Variants in PDE10A observed in about 807,000 individuals in gnomAD.
PDE10A encodes cAMP and cAMP-inhibited cGMP 3',5'-cyclic phosphodiesterase 10A.
PDE10A carries 39 observed loss-of-function variants against 97.7 expected under a neutral mutation model. The ratio of observed to expected loss-of-function variants is 0.40; its 90% CI spans 0.31 to 0.52. The LOEUF is 0.52. PDE10A is among the 20% of genes least tolerant of loss of function. The probability of loss-of-function intolerance (pLI) is 0.56; values close to 1 mark genes in which losing one functional copy is unlikely to be tolerated. For missense variants in PDE10A, 731 were observed against 1,047.8 expected, an observed-to-expected ratio of 0.70 and a Z score of 4.17; for synonymous variants, 371 against 376.8, an observed-to-expected ratio of 0.98 and a Z score of 0.18.
intron 1 of PDE10A, among the ~76,000 whole-genome samples, chr6:165,749,245 TC>T (rs1792920008): frequency 1.4e-5 from 1 of 71,338 alleles, no homozygotes; most frequent in African/African-American, 5.1e-5. Flanking sequence ...CACCATCACA[TC>T]ACCATCATCA....
intron 3 of PDE10A, among the ~76,000 whole-genome samples, chr6:165,453,448 G>C (rs1171415852): frequency 6.6e-6 from 1 of 152,226 alleles, no homozygotes; most frequent in African/African-American, 2.4e-5. Flanking sequence ...CTGCTTCAGA[G>C]ATCTTGGAGG....
intron 18 of PDE10A, among the ~76,000 whole-genome samples, chr6:165,367,670 AAAGAC>A (rs1331748818): frequency 1.3e-5 from 2 of 152,050 alleles, no homozygotes; most frequent in East Asian, 3.9e-4. Flanking sequence ...GGAAAAAAAA[AAAGAC>A]AGAGGCCAGA....
intron 1 of PDE10A, among the ~76,000 whole-genome samples, chr6:165,754,007 C>T (rs888684711): frequency 6.6e-6 from 1 of 152,126 alleles, no homozygotes; most frequent in East Asian, 1.9e-4. Context: ...CATGAAACAC[C>T]ATGAAAAGCC....
At chr6:165,464,750 C>A (rs549206988) in intron 3 of PDE10A, among the ~76,000 whole-genome samples, 1 of 152,186 alleles carries the variant, frequency 6.6e-6, no homozygotes, top group African/African-American at 2.4e-5. Context: ...TAAATGGAAT[C>A]ATACAATATG....
At chr6:165,477,465 T>C (rs1779360103) in intron 3 of PDE10A, among the ~76,000 whole-genome samples, 1 of 152,176 alleles carries the variant, frequency 6.6e-6, no homozygotes, top group African/African-American at 2.4e-5. Flanking sequence ...GGGATTTCTG[T>C]CTAGTTTGTC....
intron 1 of PDE10A, among the ~76,000 whole-genome samples, chr6:165,588,540 C>T (rs1786061172): frequency 6.6e-6 from 1 of 152,052 alleles, no homozygotes; most frequent in South Asian, 2.1e-4. Flanking sequence ...ATCTGCCTGC[C>T]TTGGCCTAAC....
chr6:165,450,411 A>G (rs1441437736), intron 3 of PDE10A, 49 bp from the exon 4 acceptor site: 3 of 1,156,222 alleles, frequency 2.6e-6, no homozygotes, highest in Non-Finnish European at 3.7e-6. Context: ...AATAAAATAT[A>G]ACAAAAATTC....
chr6:165,673,999 C>T (rs762005974), intron 1 of PDE10A, among the ~76,000 whole-genome samples: 10 of 152,102 alleles, frequency 6.6e-5, no homozygotes, highest in Admixed American at 1.3e-4. Context: ...AAAGTGTTTC[C>T]GTGTCCATAG....
intron 1 of PDE10A, among the ~76,000 whole-genome samples, chr6:165,813,648 C>T (rs1376157191): frequency 2.0e-5 from 3 of 152,136 alleles, no homozygotes; most frequent in Non-Finnish European, 4.4e-5. Context: ...GTTCATAGCA[C>T]AATAAACACA....
At chr6:165,918,087 GAT>G (rs2128487746) in intron 1 of PDE10A, among the ~76,000 whole-genome samples, 1 of 152,314 alleles carries the variant, frequency 6.6e-6, no homozygotes, top group Admixed American at 6.5e-5. Flanking sequence ...GAGTAAATTT[GAT>G]ATCTCATTTA....
intron 1 of PDE10A, among the ~76,000 whole-genome samples, chr6:165,706,157 G>A (rs1334159880): frequency 2.0e-5 from 3 of 152,172 alleles, no homozygotes; most frequent in South Asian, 2.1e-4. Flanking sequence ...TTTGCAGTGC[G>A]GGAAAAAGAT....
intron 1 of PDE10A, among the ~76,000 whole-genome samples, chr6:165,812,462 T>C (rs1341988315): frequency 6.6e-6 from 1 of 152,050 alleles, no homozygotes; most frequent in Non-Finnish European, 1.5e-5. Flanking sequence ...TCATTAAGTA[T>C]CTTAAAAGTC....
chr6:165,339,515 C>A (rs1781850486), intron 19 of PDE10A, among the ~76,000 whole-genome samples, 157 bp from the exon 20 acceptor site: 1 of 152,158 alleles, frequency 6.6e-6, no homozygotes, highest in African/African-American at 2.4e-5. Flanking sequence ...TAAAGAAAAA[C>A]TTAATGTATC....
At chr6:165,670,666 C>T (rs1205425171) in intron 1 of PDE10A, among the ~76,000 whole-genome samples, 2 of 152,088 alleles carry the variant, frequency 1.3e-5, no homozygotes, top group Non-Finnish European at 2.9e-5. Flanking sequence ...TGAATACTTC[C>T]TATAAATGCC....
intron 1 of PDE10A, among the ~76,000 whole-genome samples, chr6:165,855,767 T>C (rs1404156167): frequency 6.6e-6 from 1 of 151,950 alleles, no homozygotes; most frequent in African/African-American, 2.4e-5. Flanking sequence ...GCCTTTGCAA[T>C]TTGAAAACAT....
chr6:165,934,451 C>T (rs554728731), intron 1 of PDE10A, among the ~76,000 whole-genome samples: 1 of 152,194 alleles, frequency 6.6e-6, no homozygotes, highest in South Asian at 2.1e-4. Context: ...GTCTACACCA[C>T]CACCACCAAT....
intron 1 of PDE10A, among the ~76,000 whole-genome samples, chr6:165,959,049 A>G (rs1784281214): frequency 6.6e-6 from 1 of 152,230 alleles, no homozygotes; most frequent in Non-Finnish European, 1.5e-5. Flanking sequence ...GAACTGGACC[A>G]GCAGCAAGAT....
At chr6:165,452,413 G>A (rs1171285336) in intron 3 of PDE10A, among the ~76,000 whole-genome samples, 1 of 152,226 alleles carries the variant, frequency 6.6e-6, no homozygotes, top group Non-Finnish European at 1.5e-5. Flanking sequence ...CTGAATGCAA[G>A]TGTTGAGAGG....
intron 1 of PDE10A, among the ~76,000 whole-genome samples, chr6:165,752,567 A>G (rs1265565421): frequency 6.6e-6 from 1 of 152,246 alleles, no homozygotes; most frequent in Non-Finnish European, 1.5e-5. Flanking sequence ...TAATTCTTCT[A>G]CAATCATTTA....
Sources: gnomAD v4.1 joint callset for allele counts (sites outside exome capture counted in the v4.1 genomes callset) on GRCh38, gnomAD v4.1.1 for gene constraint, MANE v1.5 for transcripts, NCBI Gene and HGNC (gene_info 2026-07-23, HGNC 2026-07-21) for gene names.